HSF5: variants seen among roughly 807,000 people sequenced by gnomAD.
The protein encoded by HSF5 is heat shock transcription factor 5, also known as heat shock factor protein 5.
Under a neutral mutation model 50.8 loss-of-function variants are expected in HSF5, and 5 were observed. The observed-to-expected ratio is 0.10, with a 90% CI of 0.05 to 0.21. The LOEUF (loss-of-function observed/expected upper bound fraction) is 0.21, where lower values mean the gene tolerates loss of function less well. Among genes scored for constraint, HSF5 ranks in the 10% least tolerant of loss-of-function variants. The probability of loss-of-function intolerance (pLI) is 1.00; values close to 1 mark genes in which losing one functional copy is unlikely to be tolerated. For synonymous variants in HSF5, 307 were observed against 307.4 expected, an observed-to-expected ratio of 1.00 and a Z score of 0.02; for missense variants, 564 against 762.6, an observed-to-expected ratio of 0.74 and a Z score of 3.07.
intron 3 of HSF5, 24 bp downstream of exon 3, chr17:58,466,861 T>G (rs1198640191): frequency 1.4e-6 from 2 of 1,421,102 alleles, no homozygotes; most frequent in Non-Finnish European, 2.0e-6. Flanking sequence ...GCGCGGAGCA[T>G]GGCCACAGTT....
At position 58,479,951 on chromosome 17, in the gene HSF5, G is replaced by A; in HGVS notation, c.867C>T (p.Ser289=). The A allele has an allele frequency of 6.2e-7, 1 of 1,614,044 alleles. No homozygotes were observed. Residue 289 remains serine (S), a synonymous_variant, in exon 2 of 6, where the codon TCC becomes TCT. Transcript: ENST00000323777. Reference sequence around the variant, plus strand: ...AGGGTGTGTAGTTACTGTATTTTTGGGAGGAGCTGACCATTGTTTGAGGAC... The same window carrying A: ...AGGGTGTGTAGTTACTGTATTTTTGAGAGGAGCTGACCATTGTTTGAGGAC... ...QQGPQTMVSS[S]QKYSNYTPSA... is the part of the protein sequence containing the mutation.
At chr17:58,436,862 C>G (rs1010431402) in intron 5 of HSF5, among the ~76,000 whole-genome samples, 1 of 151,592 alleles carries the variant, frequency 6.6e-6, no homozygotes, top group African/African-American at 2.4e-5. Flanking sequence ...CAACAGAAAG[C>G]AGAGAAACGA....
chr17:58,483,320 A>G (rs1975125946), intron 1 of HSF5, among the ~76,000 whole-genome samples: 1 of 152,198 alleles, frequency 6.6e-6, no homozygotes. Context: ...AAATTAGAAC[A>G]CAGTCAAGAT....
chr17:58,449,222 G>A (rs1427593604), intron 5 of HSF5, among the ~76,000 whole-genome samples: 1 of 152,186 alleles, frequency 6.6e-6, no homozygotes, highest in East Asian at 1.9e-4. Context: ...AAGAAAGGAA[G>A]AAAGGAGTTA....
chr17:58,479,520 C>T (rs1000931361), intron 2 of HSF5, among the ~76,000 whole-genome samples: 1 of 152,046 alleles, frequency 6.6e-6, no homozygotes, highest in African/African-American at 2.4e-5. Context: ...CTAGGCTGGT[C>T]TCGAACTCCT....
chr17:58,453,027 C>A (rs1974661391), intron 5 of HSF5, among the ~76,000 whole-genome samples: 1 of 151,900 alleles, frequency 6.6e-6, no homozygotes. Flanking sequence ...AGAGGGAGAC[C>A]CTGTCTCAAA....
At chr17:58,432,671 A>C (rs1021446680) in intron 5 of HSF5, among the ~76,000 whole-genome samples, 2 of 152,328 alleles carry the variant, frequency 1.3e-5, no homozygotes, top group African/African-American at 4.8e-5. Flanking sequence ...AAGGATTCTC[A>C]GATTTTCTTC....
chr17:58,477,214 G>A (rs1207697030), intron 2 of HSF5, among the ~76,000 whole-genome samples: 1 of 149,274 alleles, frequency 6.7e-6, no homozygotes, highest in African/African-American at 2.5e-5. Flanking sequence ...CCGCCTCCCA[G>A]ATTCAAGTGA....
chr17:58,479,747 C>G (rs2143806159), intron 2 of HSF5, 146 bp downstream of exon 2: 2 of 693,700 alleles, frequency 2.9e-6, no homozygotes, highest in Middle Eastern at 8.1e-4. Flanking sequence ...AAAATATCTC[C>G]TGCTAAGAAA....
At position 58,480,078 on chromosome 17, in the gene HSF5, G is replaced by A. The variant is rs768627353; in HGVS notation, c.740C>T (p.Thr247Ile). 2 of 1,614,014 alleles carry A rather than the reference G, an allele frequency of 1.2e-6. No homozygotes were observed. The highest frequency in any genetic ancestry group is 1.7e-5 in the Admixed American group (1 of 59,994). ...MHPGQVETSPTFSDKGVPFPV... is the reference protein window; with the variant it reads ...MHPGQVETSPIFSDKGVPFPV... ...AAACGGAACCCCTTTATCTGAAAATGTGGGAGATGTCTCCACTTGTCCAGG... is the reference window on the plus strand; with the variant it reads ...AAACGGAACCCCTTTATCTGAAAATATGGGAGATGTCTCCACTTGTCCAGG... The change falls in exon 2 of 6, where the codon ACA becomes ATA. Residue 247 changes from threonine (T) to isoleucine (I), a missense_variant. By Grantham distance (89) the Thr-to-Ile change is moderately conservative. Transcript: ENST00000323777.
At chr17:58,472,045 TG>T (rs1442547755) in intron 2 of HSF5, among the ~76,000 whole-genome samples, 5 of 151,764 alleles carry the variant, frequency 3.3e-5, no homozygotes, top group Admixed American at 6.6e-5. Flanking sequence ...TTAGTAGAGA[TG>T]GGGTTTCACC....
At position 58,439,293 on chromosome 17, in the gene HSF5, C is replaced by G. The variant is rs538935264; in HGVS notation, c.1721-16863G>C. Among the ~76,000 whole-genome samples the G allele has an allele frequency of 2.7e-5, 4 of 147,984 alleles. No individual in the cohort carries two copies. The East Asian group carries it at 7.9e-4, about 29-fold the overall frequency. ...TGGAAAAAAAAAACAAAAACAACAA[C>G]AACCAAAAAAAAAAACCAGAAAGAA... On this transcript the variant is annotated intron_variant, in intron 5 of 5. Coordinates refer to ENST00000323777, the MANE Select transcript of HSF5 (RefSeq NM_001080439.3).
At chr17:58,423,683 G>C (rs1335721825) in intron 5 of HSF5, among the ~76,000 whole-genome samples, 1 of 151,818 alleles carries the variant, frequency 6.6e-6, no homozygotes, top group Non-Finnish European at 1.5e-5. Context: ...GTTTCACTAT[G>C]TTGGCCAGAC....
chr17:58,486,545 A>C (rs1975183106), intron 1 of HSF5, among the ~76,000 whole-genome samples: 1 of 152,228 alleles, frequency 6.6e-6, no homozygotes, highest in Admixed American at 6.5e-5. Context: ...CTAAAACTTG[A>C]CAGCTGTAAA....
At chr17:58,484,535 C>T (rs2143812447) in intron 1 of HSF5, among the ~76,000 whole-genome samples, 1 of 152,174 alleles carries the variant, frequency 6.6e-6, no homozygotes, top group South Asian at 2.1e-4. Flanking sequence ...TATCCCATTT[C>T]TCCCAAAAAC....
At chr17:58,476,037 C>A in intron 2 of HSF5, 1 of 410,160 alleles carries the variant, frequency 2.4e-6, no homozygotes. Context: ...GGAAAACAAA[C>A]AAAAAAAACA....
chr17:58,466,753 A>G (rs1974873009), intron 3 of HSF5, 132 bp downstream of exon 3: 2 of 635,872 alleles, frequency 3.1e-6, no homozygotes, highest in Admixed American at 2.8e-5. Flanking sequence ...TTAAGAATTG[A>G]GAAAACAAAG....
At chr17:58,438,943 T>A (rs144904077) in intron 5 of HSF5, among the ~76,000 whole-genome samples, 1 of 151,864 alleles carries the variant, frequency 6.6e-6, no homozygotes, top group Non-Finnish European at 1.5e-5. Context: ...ACAGTGAGAC[T>A]CCATCTCTTT....
chr17:58,466,761 A>C, intron 3 of HSF5, 124 bp downstream of exon 3: 1 of 657,370 alleles, frequency 1.5e-6, no homozygotes, highest in Non-Finnish European at 2.7e-6. Context: ...TGAGAAAACA[A>C]AGCCCATTAA....
Sources: allele counts gnomAD v4.1 joint callset (sites outside exome capture counted in the v4.1 genomes callset), GRCh38; gene constraint gnomAD v4.1.1; transcripts MANE v1.5; gene names NCBI Gene and HGNC (gene_info 2026-07-23, HGNC 2026-07-21).